The following CDH12 variants were observed in gnomAD, a reference collection of about 807,000 sequenced individuals.
The protein encoded by CDH12 is cadherin-12.
CDH12 carries 41 observed loss-of-function variants against 74.1 expected under a neutral mutation model. The observed-to-expected ratio is 0.55, with a 90% CI of 0.43 to 0.72. The LOEUF (loss-of-function observed/expected upper bound fraction) is 0.72, where lower values mean the gene tolerates loss of function less well. Ranked by LOEUF, CDH12 falls within the 30% of genes least tolerant of loss-of-function variation. The probability of loss-of-function intolerance (pLI) is 0.00; values close to 1 mark genes in which losing one functional copy is unlikely to be tolerated. For synonymous variants in CDH12, 399 were observed against 355.0 expected, an observed-to-expected ratio of 1.12 and a Z score of -1.39; for missense variants, 945 against 977.2, an observed-to-expected ratio of 0.97 and a Z score of 0.44.
chr5:22,051,385 A>T (rs1740354790), intron 5 of CDH12, among the ~76,000 whole-genome samples: 1 of 152,186 alleles, frequency 6.6e-6, no homozygotes, highest in Non-Finnish European at 1.5e-5. Flanking sequence ...ATAAAATATG[A>T]TATTTTAATT....
In CDH12 at chr5:22,677,753, C is replaced by T. The variant is rs182385887; in HGVS notation, c.-522-172389G>A. Among the ~76,000 whole-genome samples, 113 of 152,192 alleles carry T rather than the reference C, an allele frequency of 7.4e-4. 3 individuals are homozygous for T. The Middle Eastern group carries it at 0.014, about 18-fold the overall frequency. ...ACTCTCCCTTCATTCTTGTAAACTG[C>T]CTGCACATTATTGTTTGTCTTAGTT... On this transcript the variant is annotated intron_variant, in intron 1 of 14. Transcript: ENST00000382254.
chr5:22,836,459 G>A (rs560847647), intron 1 of CDH12, among the ~76,000 whole-genome samples: 1 of 151,716 alleles, frequency 6.6e-6, no homozygotes, highest in African/African-American at 2.4e-5. Flanking sequence ...TCAAACTCCT[G>A]ACCTCCTGAT....
chr5:21,946,421 C>T (rs6874024), intron 6 of CDH12, among the ~76,000 whole-genome samples: 44,939 of 152,008 alleles, frequency 0.3, 10,771 homozygotes, highest in African/African-American at 0.66. Context: ...TAGTGACCTA[C>T]CTGGTTGGAT....
At chr5:22,095,435 G>A (rs543748964) in intron 4 of CDH12, among the ~76,000 whole-genome samples, 8 of 152,148 alleles carry the variant, frequency 5.3e-5, no homozygotes, top group South Asian at 4.1e-4. Context: ...TTGCAGGGAC[G>A]CCTCTCTGAT....
chr5:21,777,244 T>C (rs1745640311), intron 11 of CDH12, among the ~76,000 whole-genome samples: 1 of 152,134 alleles, frequency 6.6e-6, no homozygotes, highest in African/African-American at 2.4e-5. Context: ...GTAATTCACA[T>C]TTATTGAGCA....
At chr5:21,863,373 C>T (rs994434077) in intron 6 of CDH12, among the ~76,000 whole-genome samples, 2 of 152,128 alleles carry the variant, frequency 1.3e-5, no homozygotes, top group Non-Finnish European at 2.9e-5. Flanking sequence ...GTTCACTCCT[C>T]TATAATCTCA....
rs138688939 is a variant in CDH12, at chr5:22,611,939, A to G, written c.-522-106575T>C. Among the ~76,000 whole-genome samples the G allele has an allele frequency of 2.8e-3, 428 of 152,252 alleles. 4 individuals carry two copies. The highest frequency in any genetic ancestry group is 9.8e-3 in the African/African-American group (408 of 41,554). On this transcript the variant is annotated intron_variant, in intron 1 of 14. Coordinates refer to ENST00000382254, the MANE Select transcript of CDH12 (RefSeq NM_004061.5). ...ACCCTATCCTCTAATTTGCTTTCCA[A>G]TTTAAACCAATGTATTCTTTCAAAA...
intron 10 of CDH12, among the ~76,000 whole-genome samples, chr5:21,786,778 G>A (rs1288471118): frequency 1.3e-5 from 2 of 152,170 alleles, no homozygotes; most frequent in Non-Finnish European, 2.9e-5. Flanking sequence ...CATTTTAGAT[G>A]CCATTAAGAA....
At chr5:21,755,298 C>T (rs2149862764) in intron 14 of CDH12, among the ~76,000 whole-genome samples, 1 of 152,198 alleles carries the variant, frequency 6.6e-6, no homozygotes, top group Non-Finnish European at 1.5e-5. Context: ...TGACAAGGGT[C>T]ACAAACTATT....
At chr5:21,816,729 G>A (rs1748072036) in intron 9 of CDH12, among the ~76,000 whole-genome samples, 4 of 148,932 alleles carry the variant, frequency 2.7e-5, no homozygotes, top group African/African-American at 9.9e-5. Flanking sequence ...TTCTGGTCAA[G>A]AGTAAGCTAT....
intron 6 of CDH12, among the ~76,000 whole-genome samples, chr5:21,962,544 C>G (rs1756406017): frequency 6.6e-6 from 1 of 151,988 alleles, no homozygotes; most frequent in African/African-American, 2.4e-5. Context: ...CTATTGACTG[C>G]TTTTTTCCCC....
intron 1 of CDH12, among the ~76,000 whole-genome samples, chr5:22,551,562 C>T (rs1738571492): frequency 6.6e-6 from 1 of 152,012 alleles, no homozygotes; most frequent in Non-Finnish European, 1.5e-5. Flanking sequence ...GTACAAGGGC[C>T]ACCACACTAA....
In CDH12 at chr5:22,749,878, C is replaced by T. The variant is rs191243252; in HGVS notation, c.-523+103180G>A. On this transcript the variant is annotated intron_variant, in intron 1 of 14. Transcript: ENST00000382254. ...CATTATATTTGATACATTACGTTTT[C>T]GTATGTTAGCATTATTTTTGAGTTG... 2.7e-3 allele frequency among the ~76,000 whole-genome samples: 411 copies of T among 152,302 alleles called. 3 individuals carry two copies. Among genetic ancestry groups the T allele is most frequent in the African/African-American group, 9.5e-3 (394 of 41,566 alleles).
At chr5:22,584,551 T>G (rs1740275334) in intron 1 of CDH12, among the ~76,000 whole-genome samples, 1 of 152,356 alleles carries the variant, frequency 6.6e-6, no homozygotes, top group Non-Finnish European at 1.5e-5. Context: ...TTGAATTTTT[T>G]TGTGTGTTAC....
intron 1 of CDH12, among the ~76,000 whole-genome samples, chr5:22,714,011 T>C (rs888257508): frequency 6.6e-6 from 1 of 152,216 alleles, no homozygotes; most frequent in African/African-American, 2.4e-5. Flanking sequence ...TTTCACGTTA[T>C]GTTGTTTCAG....
In CDH12 at chr5:22,475,442, G is replaced by C. The variant is rs911104887; in HGVS notation, c.-428+29828C>G. On this transcript the variant is annotated intron_variant, in intron 2 of 14. Transcript: ENST00000382254. Reference sequence around the variant, plus strand: ...GTGAAAGGTATTAGAATATGTGAAAGTATTTAACAATATAAAAGAAAATAA... The same window carrying C: ...GTGAAAGGTATTAGAATATGTGAAACTATTTAACAATATAAAAGAAAATAA... Among the ~76,000 whole-genome samples the C allele has an allele frequency of 2.0e-5, 3 of 151,824 alleles. 1 individual carries two copies. The South Asian group carries it at 6.2e-4, about 32-fold the overall frequency.
At chr5:22,500,065 A>G (rs1324288968) in intron 2 of CDH12, among the ~76,000 whole-genome samples, 4 of 152,160 alleles carry the variant, frequency 2.6e-5, no homozygotes, top group Non-Finnish European at 4.4e-5. Flanking sequence ...ATTCTTATAA[A>G]ATTGGCAAAT....
chr5:21,767,047 A>G (rs1400980111), intron 11 of CDH12, among the ~76,000 whole-genome samples: 4 of 151,932 alleles, frequency 2.6e-5, no homozygotes, highest in African/African-American at 7.2e-5. Context: ...TGACAATTAT[A>G]TAGGTACTTA....
chr5:21,818,662 G>A (rs2149948568), intron 8 of CDH12, among the ~76,000 whole-genome samples: 1 of 151,868 alleles, frequency 6.6e-6, no homozygotes, highest in South Asian at 2.1e-4. Context: ...ACTAAAGTTT[G>A]TTTATTTTAC....
Sources: allele counts gnomAD v4.1 joint callset (sites outside exome capture counted in the v4.1 genomes callset), GRCh38; gene constraint gnomAD v4.1.1; transcripts MANE v1.5; gene names NCBI Gene and HGNC (gene_info 2026-07-23, HGNC 2026-07-21).